The following NXPE3 variants were observed in gnomAD, a reference collection of about 807,000 sequenced individuals.
The protein encoded by NXPE3 is NXPE family member 3.
A neutral mutation model predicts 46.1 loss-of-function variants in NXPE3; 26 were observed. The ratio of observed to expected loss-of-function variants is 0.56; its 90% CI spans 0.41 to 0.78. The LOEUF is 0.78. Among genes scored for constraint, NXPE3 ranks in the 30% least tolerant of loss-of-function variants. The probability of loss-of-function intolerance (pLI) is 0.00; values close to 1 mark genes in which losing one functional copy is unlikely to be tolerated. For missense variants in NXPE3, 620 were observed against 686.0 expected (o/e 0.90, Z 1.07); for synonymous variants, 272 against 257.9 (o/e 1.05, Z -0.52).
chr3:101,818,260 T>C (rs2107350403), intron 7 of NXPE3, among the ~76,000 whole-genome samples: 1 of 152,314 alleles, frequency 6.6e-6, no homozygotes, highest in South Asian at 2.1e-4. Context: ...GTTCCACTTT[T>C]TGTTTTGCTT....
intron 6 of NXPE3, among the ~76,000 whole-genome samples, chr3:101,815,516 T>C (rs1020279454): frequency 6.6e-6 from 1 of 152,232 alleles, no homozygotes; most frequent in Non-Finnish European, 1.5e-5. Flanking sequence ...TAAATGCTTA[T>C]GTCCACACAT....
intron 4 of NXPE3, among the ~76,000 whole-genome samples, chr3:101,790,152 T>C (rs1940418908): frequency 6.6e-6 from 1 of 152,220 alleles, no homozygotes; most frequent in Non-Finnish European, 1.5e-5. Context: ...CAAAATATGG[T>C]CTATTTTGGT....
At chr3:101,794,262 CAGATGGAGCAT>C (rs1366855683) in intron 4 of NXPE3, among the ~76,000 whole-genome samples, 1 of 152,070 alleles carries the variant, frequency 6.6e-6, no homozygotes, top group Non-Finnish European at 1.5e-5. Flanking sequence ...ATCTAGAGCA[CAGATGGAGCAT>C]ATAACCTTTT....
chr3:101,820,391 G>A (rs1401958100), intron 7 of NXPE3, among the ~76,000 whole-genome samples: 2 of 152,308 alleles, frequency 1.3e-5, no homozygotes, highest in South Asian at 4.1e-4. Flanking sequence ...TACTGGCAAG[G>A]TTGCAGAGAA....
intron 6 of NXPE3, among the ~76,000 whole-genome samples, chr3:101,809,645 G>A (rs1054111521): frequency 1.3e-5 from 2 of 152,094 alleles, no homozygotes; most frequent in Non-Finnish European, 2.9e-5. Context: ...ATTTATATCA[G>A]TGTAGACTCA....
At chr3:101,790,344 G>C (rs1173182678) in intron 4 of NXPE3, among the ~76,000 whole-genome samples, 1 of 152,130 alleles carries the variant, frequency 6.6e-6, no homozygotes, top group Admixed American at 6.5e-5. Flanking sequence ...CACTATAATT[G>C]TGAATTTGTC....
chr3:101,786,238 C>G (rs867689117), intron 4 of NXPE3, among the ~76,000 whole-genome samples: 1 of 152,138 alleles, frequency 6.6e-6, no homozygotes, highest in Admixed American at 6.6e-5. Context: ...CTGTCCCCAG[C>G]CCCAACATGA....
intron 1 of NXPE3, among the ~76,000 whole-genome samples, chr3:101,781,520 G>A (rs1479981226): frequency 6.6e-6 from 1 of 152,188 alleles, no homozygotes; most frequent in Non-Finnish European, 1.5e-5. Context: ...GCCACTATGA[G>A]TCTTGGATAT....
chr3:101,816,096 G>A (rs902575379), intron 6 of NXPE3, among the ~76,000 whole-genome samples: 2 of 150,668 alleles, frequency 1.3e-5, no homozygotes, highest in South Asian at 4.2e-4. Context: ...CCCAGGAGGC[G>A]GAGGTTGCAG....
chr3:101,803,915 C>A (rs1941287508), intron 5 of NXPE3, among the ~76,000 whole-genome samples: 2 of 152,172 alleles, frequency 1.3e-5, no homozygotes, highest in African/African-American at 4.8e-5. Flanking sequence ...CCACCATACC[C>A]CGTTAGAGTT....
intron 4 of NXPE3, among the ~76,000 whole-genome samples, chr3:101,793,073 G>A (rs1307811381): frequency 1.3e-5 from 2 of 152,156 alleles, no homozygotes; most frequent in Non-Finnish European, 1.5e-5. Context: ...TTTGGCTGCT[G>A]TTGATGTATA....
chr3:101,788,245 A>T (rs555582466), intron 4 of NXPE3, among the ~76,000 whole-genome samples: 1 of 152,062 alleles, frequency 6.6e-6, no homozygotes, highest in South Asian at 2.1e-4. Context: ...GTTGTTGTTG[A>T]GTTGTAGGAG....
At chr3:101,783,676 C>T (rs190981883) in intron 3 of NXPE3, among the ~76,000 whole-genome samples, 146 of 152,320 alleles carry the variant, frequency 9.6e-4, no homozygotes, top group East Asian at 1.3e-3. Context: ...AGTGTCCACA[C>T]AATGCATGAC....
At chr3:101,804,254 A>G (rs1185130317) in intron 5 of NXPE3, among the ~76,000 whole-genome samples, 1 of 152,262 alleles carries the variant, frequency 6.6e-6, no homozygotes, top group Non-Finnish European at 1.5e-5. Flanking sequence ...TAGAGAACTA[A>G]ATTAGTGTAA....
At chr3:101,783,931 A>G (rs1939988836) in intron 3 of NXPE3, among the ~76,000 whole-genome samples, 1 of 152,202 alleles carries the variant, frequency 6.6e-6, no homozygotes, top group Non-Finnish European at 1.5e-5. Flanking sequence ...GTGTCAGGAA[A>G]TGGAGAAGCA....
chr3:101,781,449 G>T (rs1039382390), intron 1 of NXPE3, among the ~76,000 whole-genome samples: 1 of 152,210 alleles, frequency 6.6e-6, no homozygotes, highest in Non-Finnish European at 1.5e-5. Context: ...TTGTGAGATG[G>T]GGGTAGGAAC....
At chr3:101,792,414 T>C (rs1030031802) in intron 4 of NXPE3, among the ~76,000 whole-genome samples, 7 of 152,266 alleles carry the variant, frequency 4.6e-5, no homozygotes, top group African/African-American at 1.7e-4. Flanking sequence ...TTTAAATCTT[T>C]AATCCATCTT....
At chr3:101,798,524 T>C (rs973632150) in intron 4 of NXPE3, among the ~76,000 whole-genome samples, 1 of 74,836 alleles carries the variant, frequency 1.3e-5, no homozygotes, top group Admixed American at 1.2e-4. Context: ...TGTATGTGTA[T>C]ATATGTATGT....
intron 3 of NXPE3, among the ~76,000 whole-genome samples, chr3:101,784,194 A>T (rs1192472349): frequency 6.6e-6 from 1 of 152,234 alleles, no homozygotes; most frequent in Non-Finnish European, 1.5e-5. Context: ...AGTATCATTA[A>T]GTTGCTTTTC....
Sources: gnomAD v4.1 joint callset for allele counts (sites outside exome capture counted in the v4.1 genomes callset) on GRCh38, gnomAD v4.1.1 for gene constraint, MANE v1.5 for transcripts, NCBI Gene and HGNC (gene_info 2026-07-23, HGNC 2026-07-21) for gene names.